ANO6: variants seen among roughly 807,000 people sequenced by gnomAD.
The protein encoded by ANO6 is anoctamin-6.
In ANO6, 106 loss-of-function variants were observed where a neutral mutation model predicts 117.5. The observed-to-expected ratio is 0.90, with a 90% confidence interval of 0.77 to 1.06. The LOEUF is 1.06. Among genes scored for constraint, ANO6 ranks in the 50% least tolerant of loss-of-function variants. The pLI is 0.00. For missense variants in ANO6, 955 were observed against 1,121.1 expected (o/e 0.85, Z 2.12); for synonymous variants, 367 against 385.1 (o/e 0.95, Z 0.55).
intron 1 of ANO6, among the ~76,000 whole-genome samples, chr12:45,231,975 GA>G (rs961812691): frequency 6.6e-6 from 1 of 152,020 alleles, no homozygotes; most frequent in African/African-American, 2.4e-5. Flanking sequence ...ATTTGGCAAA[GA>G]AAAAAATCAT....
chr12:45,296,896 A>G (rs913528281), intron 1 of ANO6, among the ~76,000 whole-genome samples: 7 of 152,258 alleles, frequency 4.6e-5, no homozygotes, highest in Admixed American at 3.3e-4. Flanking sequence ...ACGTGACTTC[A>G]TATCATTGAG....
chr12:45,272,652 A>T (rs888737124), intron 1 of ANO6, among the ~76,000 whole-genome samples: 2 of 152,212 alleles, frequency 1.3e-5, no homozygotes, highest in African/African-American at 2.4e-5. Context: ...TAAGTTGATG[A>T]GAAAAAGTGT....
chr12:45,432,460 G>T, downstream of ANO6: 1 of 321,840 alleles, frequency 3.1e-6, no homozygotes, highest in Non-Finnish European at 4.5e-6. Flanking sequence ...CTTTTGTGTA[G>T]ATTTTTCACA....
chr12:45,341,783 T>C (rs1940985586), intron 3 of ANO6, among the ~76,000 whole-genome samples: 1 of 152,142 alleles, frequency 6.6e-6, no homozygotes, highest in South Asian at 2.1e-4. Context: ...TGGGGTTGCC[T>C]GTTTTGTCAG....
chr12:45,275,248 T>A (rs963437123), intron 1 of ANO6, among the ~76,000 whole-genome samples: 3 of 152,204 alleles, frequency 2.0e-5, no homozygotes, highest in African/African-American at 7.2e-5. Flanking sequence ...TCTTGCTCTG[T>A]CGCCCAGGCT....
Position 45,367,750 on chromosome 12 carries a change from T to C in ANO6, c.1061T>C (p.Leu354Pro). 1 of 1,613,778 alleles carries C rather than the reference T, an allele frequency of 6.2e-7. No homozygotes were observed. The highest frequency in any genetic ancestry group is 8.5e-7 in the Non-Finnish European group (1 of 1,179,880). ...ATAATGTGTCCTCAGTGTGATAGGC[T>C]TTGTCCATTCTGGAAACTCAATATT... is the stretch of plus-strand genomic sequence containing the variant. Reference protein sequence around the residue: ...KIIMCPQCDRLCPFWKLNITC... With the variant: ...KIIMCPQCDRPCPFWKLNITC... The change falls in exon 9 of 20, where the codon CTT becomes CCT. Residue 354 changes from leucine (L) to proline (P), a missense_variant. Leu to Pro is a moderately conservative substitution (Grantham distance 98, BLOSUM62 -3). Transcript: ENST00000320560.
rs1396263400 is a variant in ANO6 at position 45,401,897 on chromosome 12, C to G, written c.1489C>G (p.Pro497Ala). ...KLPKNINGTDPIQKYLTPQTA... is the reference protein window; with the variant it reads ...KLPKNINGTDAIQKYLTPQTA... ...TCCCAAGAACATTAATGGAACAGAC[C>G]CAATCCAGAAATACCTGACTCCACA... The change falls in exon 13 of 20, where the codon CCA (proline) becomes GCA (alanine). Residue 497 changes from proline (P) to alanine (A), a missense_variant. Physicochemically the swap from Pro to Ala is conservative, Grantham distance 27 (BLOSUM62 -1). Coordinates refer to ENST00000320560, the MANE Select transcript of ANO6 (RefSeq NM_001025356.3). The G allele has an allele frequency of 1.9e-6, 3 of 1,613,894 alleles. No individual in the cohort carries two copies. The Admixed American group carries it at 5.0e-5, about 27-fold the overall frequency.
In ANO6 at chr12:45,432,269, TA is replaced by T. The variant is rs1378536024; in HGVS notation, c.*2960del. 1 of 941,492 alleles carries T rather than the reference TA, an allele frequency of 1.1e-6. No homozygotes were observed. Among genetic ancestry groups the T allele is most frequent in the Admixed American group, 6.2e-5 (1 of 16,206 alleles). The allele number at this position is 941,492 out of a possible 1,614,324, so 58.3% of individuals were successfully genotyped here. On this transcript the variant is annotated 3_prime_UTR_variant, in exon 20 of 20. Transcript: ENST00000320560. ...TTCTGTGCATTTTAATATTCTTTTA[TA>T]ATTATTAATGTTAATTTCTGTGCAT...
intron 3 of ANO6, among the ~76,000 whole-genome samples, chr12:45,332,141 G>A (rs995105436): frequency 1.4e-4 from 22 of 151,950 alleles, no homozygotes; most frequent in African/African-American, 5.3e-4. Flanking sequence ...CAACTCCCTG[G>A]AACGTTTTTA....
At chr12:45,330,878 A>G (rs1040771146) in intron 2 of ANO6, among the ~76,000 whole-genome samples, 14 of 152,076 alleles carry the variant, frequency 9.2e-5, no homozygotes, top group Non-Finnish European at 2.1e-4. Context: ...AAAATAAGAC[A>G]TAAGAAGGAT....
intron 15 of ANO6, 62 bp downstream of exon 15, chr12:45,403,598 A>C: frequency 7.1e-7 from 1 of 1,406,336 alleles, no homozygotes; most frequent in South Asian, 1.2e-5. Flanking sequence ...CCATCCACAC[A>C]AATCATTTGC....
At chr12:45,308,467 G>A (rs1422710539) in intron 2 of ANO6, among the ~76,000 whole-genome samples, 3 of 151,998 alleles carry the variant, frequency 2.0e-5, no homozygotes, top group Non-Finnish European at 4.4e-5. Context: ...AATGGGATCC[G>A]AAGTGAGGAG....
At chr12:45,372,157 G>A (rs1280908912) in intron 9 of ANO6, among the ~76,000 whole-genome samples, 2 of 152,242 alleles carry the variant, frequency 1.3e-5, no homozygotes, top group South Asian at 4.2e-4. Context: ...GGGAAGTTTA[G>A]AGAAAAGAGA....
chr12:45,353,019 G>A (rs1273946760), intron 7 of ANO6, among the ~76,000 whole-genome samples: 3 of 143,674 alleles, frequency 2.1e-5, no homozygotes, highest in Non-Finnish European at 4.4e-5. Flanking sequence ...TAAGTAATTT[G>A]TGTAGTTGCA....
chr12:45,270,504 C>A, intron 1 of ANO6: 1 of 1,319,924 alleles, frequency 7.6e-7, no homozygotes. Context: ...ACTCCTCATA[C>A]TCACCTCCCA....
chr12:45,408,321 C>T (rs1352460222), intron 15 of ANO6, among the ~76,000 whole-genome samples: 2 of 152,124 alleles, frequency 1.3e-5, no homozygotes, highest in Admixed American at 6.5e-5. Flanking sequence ...CACAGGTAAA[C>T]CACAAGCTGG....
intron 2 of ANO6, among the ~76,000 whole-genome samples, chr12:45,328,797 T>C (rs1280141415): frequency 6.6e-6 from 1 of 152,192 alleles, no homozygotes; most frequent in East Asian, 1.9e-4. Flanking sequence ...AACTACTTTT[T>C]CTTGTCTTAA....
chr12:45,356,458 G>A (rs1941414377), intron 7 of ANO6, among the ~76,000 whole-genome samples: 1 of 152,130 alleles, frequency 6.6e-6, no homozygotes, highest in Admixed American at 6.5e-5. Context: ...ATGGTCTGCT[G>A]TTGACTGGAA....
At chr12:45,250,119 A>T (rs1456961421) in intron 1 of ANO6, among the ~76,000 whole-genome samples, 1 of 152,198 alleles carries the variant, frequency 6.6e-6, no homozygotes, top group Non-Finnish European at 1.5e-5. Context: ...ATAAATGGTC[A>T]TAGGTTGTCT....
Sources: gnomAD v4.1 joint callset for allele counts (sites outside exome capture counted in the v4.1 genomes callset) on GRCh38, gnomAD v4.1.1 for gene constraint, MANE v1.5 for transcripts, NCBI Gene and HGNC (gene_info 2026-07-23, HGNC 2026-07-21) for gene names.